Variants in CDKN2C observed in about 807,000 individuals in gnomAD.
CDKN2C encodes cyclin-dependent kinase 4 inhibitor C.
CDKN2C carries 5 observed loss-of-function variants against 11.0 expected under a neutral mutation model. The observed-to-expected ratio is 0.45, with a 90% CI of 0.24 to 0.95. CDKN2C has a LOEUF of 0.95. Ranked by LOEUF, CDKN2C falls within the 40% of genes least tolerant of loss-of-function variation. The probability of loss-of-function intolerance (pLI) is 0.21; values close to 1 mark genes in which losing one functional copy is unlikely to be tolerated. For missense variants in CDKN2C, 161 were observed against 211.9 expected, an observed-to-expected ratio of 0.76 and a Z score of 1.49; for synonymous variants, 79 against 88.3, an observed-to-expected ratio of 0.89 and a Z score of 0.59.
chr1:50,972,359 CA>C lies in CDKN2C; in HGVS notation c.130-1533del, dbSNP rs1397685707. Among the ~76,000 whole-genome samples the C allele has an allele frequency of 3.5e-4, 53 of 152,162 alleles. 2 individuals carry two copies. The highest frequency in any genetic ancestry group is 1.4e-3 in the Admixed American group (22 of 15,292). ...AGCTAAAAATCAACAGTTTTATCAA[CA>C]GGGGAGCTTAATATCTTGTCCATCT... On this transcript the variant is annotated intron_variant, in intron 1 of 1. Transcript: ENST00000371761.
At chr1:50,964,458 C>T (rs899177187) in intron 1 of CDKN2C, among the ~76,000 whole-genome samples, 2 of 152,084 alleles carry the variant, frequency 1.3e-5, no homozygotes, top group Non-Finnish European at 2.9e-5. Flanking sequence ...GTAGTGATAA[C>T]CTTGATTCTT....
Position 50,973,952 on chromosome 1 carries a change from C to T in CDKN2C, c.189C>T (p.Pro63=), listed in dbSNP as rs752677434. ...GACTGCTACTTAGAGGTGCTAATCCCGATTTGAAAGACCGAACTGGTTTCG... is the reference window on the plus strand; with the variant it reads ...GACTGCTACTTAGAGGTGCTAATCCTGATTTGAAAGACCGAACTGGTTTCG... The part of the protein sequence containing the change: ...ARRLLLRGAN[P]DLKDRTGFAV... Residue 63 remains proline, a synonymous_variant, in exon 2 of 2, where the codon CCC becomes CCT. Transcript: ENST00000371761. The T allele has an allele frequency of 2.2e-5, 36 of 1,614,026 alleles. No individual in the cohort carries two copies. In the Admixed American group the frequency reaches 2.5e-4, roughly 11 times the overall value.
chr1:50,962,347 C>T (rs1645328813), intron 1 of CDKN2C, among the ~76,000 whole-genome samples: 1 of 152,200 alleles, frequency 6.6e-6, no homozygotes, highest in Admixed American at 6.5e-5. Context: ...GATCACACTA[C>T]TGCACCCCAG....
At chr1:50,971,907 GA>G (rs1266856841) in intron 1 of CDKN2C, among the ~76,000 whole-genome samples, 1 of 152,016 alleles carries the variant, frequency 6.6e-6, no homozygotes, top group East Asian at 1.9e-4. Flanking sequence ...TACATATAAC[GA>G]AACACACACA....
chr1:50,971,452 T>C (rs1207516172), intron 1 of CDKN2C, among the ~76,000 whole-genome samples: 7 of 152,246 alleles, frequency 4.6e-5, no homozygotes, highest in Non-Finnish European at 8.8e-5. Flanking sequence ...AGAGATATAC[T>C]ATTAACAAAC....
At chr1:50,971,788 AT>A (rs1403550421) in intron 1 of CDKN2C, among the ~76,000 whole-genome samples, 3 of 152,198 alleles carry the variant, frequency 2.0e-5, no homozygotes, top group Non-Finnish European at 4.4e-5. Flanking sequence ...AATTAATAAT[AT>A]TCTTTTAAAA....
At chr1:50,970,151 CA>C (rs1459911425), upstream of CDKN2C, 1 of 601,196 alleles carries the variant, frequency 1.7e-6, no homozygotes, top group Non-Finnish European at 2.9e-6. Flanking sequence ...AGCCCCTCTC[CA>C]ATGGCTCAGT....
At chr1:50,965,083 T>TA (rs1472768338) in intron 1 of CDKN2C, among the ~76,000 whole-genome samples, 2 of 151,368 alleles carry the variant, frequency 1.3e-5, no homozygotes, top group Non-Finnish European at 3.0e-5. Flanking sequence ...GATAGATAGA[T>TA]AGATAGATAG....
At position 50,973,913 on chromosome 1, in the gene CDKN2C, C is replaced by T. The variant is rs759367708; in HGVS notation, c.150C>T (p.Pro50=). The T allele has an allele frequency of 3.7e-6, 6 of 1,614,122 alleles. No homozygotes were observed. The highest frequency in any genetic ancestry group is 2.2e-5 in the South Asian group (2 of 91,082). The change falls in exon 2 of 2, where the codon CCC becomes CCT. Residue 50 remains proline, a synonymous_variant. Transcript: ENST00000371761. The part of the protein sequence containing the change: ...TALQVMKLGN[P]EIARRLLLRG... ...TCCAGGTTATGAAACTTGGAAATCCCGAGATTGCCAGGAGACTGCTACTTA... is the reference window on the plus strand; with the variant it reads ...TCCAGGTTATGAAACTTGGAAATCCTGAGATTGCCAGGAGACTGCTACTTA...
chr1:50,967,317 GA>G (rs1489608670), upstream of CDKN2C, among the ~76,000 whole-genome samples: 1 of 152,202 alleles, frequency 6.6e-6, no homozygotes, highest in East Asian at 1.9e-4. Flanking sequence ...AAGAAAAAGA[GA>G]GTTAATTTCT....
upstream of CDKN2C, among the ~76,000 whole-genome samples, chr1:50,966,868 T>C (rs139077897): frequency 1.3e-5 from 2 of 152,348 alleles, no homozygotes; most frequent in African/African-American, 4.8e-5. Flanking sequence ...GTTATTTTTC[T>C]TTTTATTTCT....
chr1:50,966,445 T>C (rs1457628127), upstream of CDKN2C, among the ~76,000 whole-genome samples: 3 of 152,248 alleles, frequency 2.0e-5, no homozygotes, highest in South Asian at 6.2e-4. Context: ...CAGTATTTGA[T>C]GTACTTATCA....
At chr1:50,964,053 A>G (rs1215040966) in intron 1 of CDKN2C, among the ~76,000 whole-genome samples, 1 of 152,124 alleles carries the variant, frequency 6.6e-6, no homozygotes. Flanking sequence ...CAAAGACAGT[A>G]CAGAATGTTC....
chr1:50,971,230 C>G (rs1277111664), intron 1 of CDKN2C, among the ~76,000 whole-genome samples: 2 of 152,126 alleles, frequency 1.3e-5, no homozygotes, highest in African/African-American at 4.8e-5. Flanking sequence ...TTTTCCTCTT[C>G]TGAATGTTAT....
intron 1 of CDKN2C, among the ~76,000 whole-genome samples, chr1:50,962,883 A>G (rs1193082681): frequency 6.6e-6 from 1 of 152,376 alleles, no homozygotes; most frequent in Non-Finnish European, 1.5e-5. Flanking sequence ...TTGGTATCAC[A>G]CTAACATAAA....
chr1:50,973,740 GCATTTGACCCCTTCAAGCCC>G (rs1455024092), intron 1 of CDKN2C, among the ~76,000 whole-genome samples, 133 bp from the exon 2 acceptor site: 3 of 152,066 alleles, frequency 2.0e-5, no homozygotes, highest in African/African-American at 7.2e-5. Context: ...GCACTTTTCT[GCATTTGACCCCTTCAAGCCC>G]CATCCTATGG....
rs141609461 is a variant in CDKN2C, at chr1:50,970,417, G to C, written c.49G>C (p.Asp17His). 15 of 1,614,020 alleles carry C rather than the reference G, an allele frequency of 9.3e-6. No homozygotes were observed. The Admixed American group carries it at 2.5e-4, about 27-fold the overall frequency. ...GTTGGCGTCCGCAGCTGCCAGGGGG[G>C]ACCTAGAGCAACTTACTAGTTTGTT... ...NELASAAARG[D>H]LEQLTSLLQN... Residue 17 changes from aspartate (D) to histidine (H), a missense_variant, in exon 1 of 2, where the codon GAC becomes CAC. Coordinates refer to ENST00000371761, the MANE Select transcript of CDKN2C (RefSeq NM_078626.3).
At chr1:50,967,544 A>G (rs1309226814), upstream of CDKN2C, among the ~76,000 whole-genome samples, 1 of 152,226 alleles carries the variant, frequency 6.6e-6, no homozygotes, top group Non-Finnish European at 1.5e-5. Flanking sequence ...AAGGGTACAG[A>G]TACTGCTTGA....
At chr1:50,973,820 A>T in intron 1 of CDKN2C, 73 bp from the exon 2 acceptor site, 1 of 1,527,234 alleles carries the variant, frequency 6.5e-7, no homozygotes. Context: ...AAATGGAAGG[A>T]CAGGCAGATA....
Sources: gnomAD v4.1 joint callset for allele counts (sites outside exome capture counted in the v4.1 genomes callset) on GRCh38, gnomAD v4.1.1 for gene constraint, MANE v1.5 for transcripts, NCBI Gene and HGNC (gene_info 2026-07-23, HGNC 2026-07-21) for gene names.